Variants in TUBGCP3 observed in about 807,000 individuals in gnomAD.
TUBGCP3 encodes tubulin gamma complex component 3, also known as gamma-tubulin complex component 3.
In TUBGCP3, 50 loss-of-function variants were observed where a neutral mutation model predicts 123.1. That is an observed-to-expected ratio of 0.41 (90% CI 0.32 to 0.51). The LOEUF (loss-of-function observed/expected upper bound fraction) is 0.51. Ranked by LOEUF, TUBGCP3 falls within the 20% of genes least tolerant of loss-of-function variation. TUBGCP3 has a pLI of 0.36. For missense variants in TUBGCP3, 882 were observed against 1,127.0 expected (o/e 0.78, Z 3.11); for synonymous variants, 405 against 413.9 (o/e 0.98, Z 0.26).
At chr13:112,534,983 T>A (rs997077425) in intron 11 of TUBGCP3, among the ~76,000 whole-genome samples, 3 of 152,216 alleles carry the variant, frequency 2.0e-5, no homozygotes, top group African/African-American at 7.2e-5. Flanking sequence ...CATTAACTAC[T>A]TTCTATCTCT....
chr13:112,516,429 T>TGG lies in TUBGCP3; in HGVS notation c.2086+9_2086+10dup. 1 of 1,591,004 alleles carries TGG rather than the reference T, an allele frequency of 6.3e-7. No individual in the cohort carries two copies. The highest frequency in any genetic ancestry group is 8.6e-7 in the Non-Finnish European group (1 of 1,166,950). ...AGTGTGTGCGGACCCGTGACCGTGCTGGGGGCTCACCTGGCATGTTTCTCA... is the reference window on the plus strand; with the variant it reads ...AGTGTGTGCGGACCCGTGACCGTGCTGGGGGGGCTCACCTGGCATGTTTCTCA... On this transcript the variant is annotated intron_variant, in intron 17 of 21. Coordinates refer to ENST00000261965, the MANE Select transcript of TUBGCP3 (RefSeq NM_006322.6).
At chr13:112,594,520 G>T in the TUBGCP3 span, among the ~76,000 whole-genome samples, 1 of 152,142 alleles carries the variant, frequency 6.6e-6, no homozygotes, top group East Asian at 1.9e-4. Flanking sequence ...AAGTTTCAGA[G>T]AATCATCTTT....
chr13:112,578,288 G>A (rs1020509322), intron 1 of TUBGCP3, among the ~76,000 whole-genome samples: 1 of 151,906 alleles, frequency 6.6e-6, no homozygotes, highest in Admixed American at 6.6e-5. Flanking sequence ...GGCCGGGCGC[G>A]GTGGCTCACG....
In TUBGCP3 at chr13:112,522,400, C is replaced by A. The variant is rs1218544456; in HGVS notation, c.1665G>T (p.Leu555Phe). The A allele has an allele frequency of 1.9e-6, 3 of 1,614,036 alleles. No individual in the cohort carries two copies. Among genetic ancestry groups the A allele is most frequent in the African/African-American group, 2.7e-5 (2 of 74,942 alleles). The change falls in exon 14 of 22, where the codon TTG becomes TTT. Residue 555 changes from leucine (L) to phenylalanine (F), a missense_variant. This residue lies in a region of TUBGCP3 where 713 missense variants were observed against 874.0 expected (regional missense o/e 0.82). Coordinates refer to ENST00000261965, the MANE Select transcript of TUBGCP3 (RefSeq NM_006322.6). ...GCCTCATTGCCTGCATGTGGTCCAG[C>A]AAGCTGTACTTTTTATTGAGAACAT... ...LLDVLNKKYS[L>F]LDHMQAMRRY...
At chr13:112,509,824 T>C (rs538659510) in intron 17 of TUBGCP3, among the ~76,000 whole-genome samples, 1 of 152,348 alleles carries the variant, frequency 6.6e-6, no homozygotes, top group South Asian at 2.1e-4. Flanking sequence ...TCTGAACTTC[T>C]AACTACTCTA....
At chr13:112,516,342 T>C in intron 17 of TUBGCP3, 98 bp downstream of exon 17, 1 of 1,289,824 alleles carries the variant, frequency 7.8e-7, no homozygotes, top group South Asian at 2.2e-5. Flanking sequence ...TCACCGTGAG[T>C]CTACCTTAAC....
At chr13:112,509,295 T>C (rs1212419175) in intron 17 of TUBGCP3, among the ~76,000 whole-genome samples, 1 of 152,222 alleles carries the variant, frequency 6.6e-6, no homozygotes, top group South Asian at 2.1e-4. Flanking sequence ...TCTGCCCTAA[T>C]AGGCCATGAG....
chr13:112,534,756 C>T (rs1172436677), intron 11 of TUBGCP3, among the ~76,000 whole-genome samples: 1 of 152,136 alleles, frequency 6.6e-6, no homozygotes, highest in Non-Finnish European at 1.5e-5. Flanking sequence ...TTTGTGTTTT[C>T]GGAACTTCTA....
At position 112,554,026 on chromosome 13, in the gene TUBGCP3, C is replaced by T. The variant is rs78082362; in HGVS notation, c.966+31G>A. 1.6e-3 allele frequency: 2,545 copies of T among 1,599,716 alleles called. 33 individuals are homozygous for T. In the African/African-American group the frequency reaches 0.03, roughly 19 times the overall value. ...AGTAAGCGTTTCCCAAAGTGCGCAG[C>T]ATCCCAGCATCCTAGGAACCATGAA... On this transcript the variant is annotated intron_variant, in intron 8 of 21. Coordinates refer to ENST00000261965, the MANE Select transcript of TUBGCP3 (RefSeq NM_006322.6).
At chr13:112,582,912 C>A (rs892845174) in intron 1 of TUBGCP3, among the ~76,000 whole-genome samples, 1 of 152,160 alleles carries the variant, frequency 6.6e-6, no homozygotes, top group Admixed American at 6.5e-5. Flanking sequence ...AACACAAGAG[C>A]GGATAGAGGT....
chr13:112,531,659 C>T (rs1431781985), intron 11 of TUBGCP3, among the ~76,000 whole-genome samples: 3 of 152,140 alleles, frequency 2.0e-5, no homozygotes, highest in African/African-American at 7.2e-5. Flanking sequence ...TAAAAAACCT[C>T]AGGCAATTCA....
chr13:112,501,937 G>C (rs901193733), intron 19 of TUBGCP3, among the ~76,000 whole-genome samples: 1 of 152,194 alleles, frequency 6.6e-6, no homozygotes, highest in African/African-American at 2.4e-5. Flanking sequence ...TCGTACAGAA[G>C]GTTCACATCT....
intron 5 of TUBGCP3, among the ~76,000 whole-genome samples, chr13:112,556,998 G>A (rs113350052): frequency 6.6e-6 from 1 of 151,906 alleles, no homozygotes; most frequent in Admixed American, 6.6e-5. Context: ...TGCAATACTG[G>A]GGGGGTTTAT....
intron 1 of TUBGCP3, among the ~76,000 whole-genome samples, chr13:112,583,662 G>C (rs1882419281): frequency 6.6e-6 from 1 of 152,234 alleles, no homozygotes; most frequent in African/African-American, 2.4e-5. Flanking sequence ...CTCCACAGTT[G>C]TGTGTTTCTC....
chr13:112,488,501 C>G (rs1175120021), intron 21 of TUBGCP3, among the ~76,000 whole-genome samples: 1 of 152,218 alleles, frequency 6.6e-6, no homozygotes, highest in Non-Finnish European at 1.5e-5. Flanking sequence ...GGGCAGCTGT[C>G]TCAGGGACAG....
chr13:112,535,537 G>A (rs1480758137), intron 11 of TUBGCP3, among the ~76,000 whole-genome samples: 2 of 152,042 alleles, frequency 1.3e-5, no homozygotes, highest in East Asian at 1.9e-4. Context: ...TTTGCATTTC[G>A]CTATAATAAT....
chr13:112,491,676 G>T lies in TUBGCP3; in HGVS notation c.2449-1979C>A, dbSNP rs548987708. Among the ~76,000 whole-genome samples the T allele has an allele frequency of 2.7e-4, 41 of 152,298 alleles. No individual in the cohort carries two copies. In the East Asian group the frequency reaches 7.9e-3, roughly 29 times the overall value. On this transcript the variant is annotated intron_variant, in intron 20 of 21. Coordinates refer to ENST00000261965, the MANE Select transcript of TUBGCP3 (RefSeq NM_006322.6). ...ACCAACAACCCTTTTGTGGAGAACGGGGTCTTGCTATATTGCCCAGGCAGC... is the reference window on the plus strand; with the variant it reads ...ACCAACAACCCTTTTGTGGAGAACGTGGTCTTGCTATATTGCCCAGGCAGC...
At chr13:112,598,602 G>A in the TUBGCP3 span, among the ~76,000 whole-genome samples, 4 of 152,064 alleles carry the variant, frequency 2.6e-5, no homozygotes, top group Admixed American at 1.3e-4. Context: ...AGTTTCTAGG[G>A]AAACCATTAA....
At position 112,485,314 on chromosome 13, in the gene TUBGCP3, T is replaced by C. The variant is rs56787467; in HGVS notation, c.*679A>G. 1 of 152,622 alleles carries C rather than the reference T, an allele frequency of 6.6e-6. No individual in the cohort carries two copies. Among genetic ancestry groups the C allele is most frequent in the Non-Finnish European group, 1.5e-5 (1 of 68,040 alleles). The allele number at this position is 152,622 out of a possible 1,614,324, so 9.5% of individuals were successfully genotyped here. On this transcript the variant is annotated 3_prime_UTR_variant, in exon 22 of 22. Transcript: ENST00000261965. ...TTCGCGGTATTTGGGTTGCACTGTA[T>C]AAGAGTATTTTTGTTCTCTATCACT...
Sources: gnomAD v4.1 joint callset for allele counts (sites outside exome capture counted in the v4.1 genomes callset) on GRCh38, gnomAD v4.1.1 for gene constraint, gnomAD v4.1.1 regional missense constraint, MANE v1.5 for transcripts, NCBI Gene and HGNC (gene_info 2026-07-23, HGNC 2026-07-21) for gene names.